Variants in PIWIL3 observed in about 807,000 individuals in gnomAD.
The protein encoded by PIWIL3 is piwi-like protein 3.
PIWIL3 carries 101 observed loss-of-function variants against 109.7 expected under a neutral mutation model. The ratio of observed to expected loss-of-function variants is 0.92; its 90% CI spans 0.78 to 1.09. The LOEUF (loss-of-function observed/expected upper bound fraction) is 1.09, where lower values mean the gene tolerates loss of function less well. PIWIL3 is among the 50% of genes least tolerant of loss of function. The probability of loss-of-function intolerance (pLI) is 0.00; values close to 1 mark genes in which losing one functional copy is unlikely to be tolerated. For missense variants in PIWIL3, 1,031 were observed against 1,072.6 expected (o/e 0.96, Z 0.54); for synonymous variants, 373 against 376.4 (o/e 0.99, Z 0.10).
chr22:24,761,994 A>G (rs1925465934), intron 2 of PIWIL3: 2 of 995,132 alleles, frequency 2.0e-6, no homozygotes, highest in African/African-American at 3.5e-5. Flanking sequence ...ATATGCAGTA[A>G]GAGAAGACAA....
chr22:24,767,681 A>G (rs1925879936), intron 1 of PIWIL3, among the ~76,000 whole-genome samples: 1 of 152,180 alleles, frequency 6.6e-6, no homozygotes. Context: ...AGAGAAAGGA[A>G]CAGGAGAAGT....
chr22:24,749,304 T>C, intron 11 of PIWIL3, 100 bp downstream of exon 11: 2 of 1,516,546 alleles, frequency 1.3e-6, no homozygotes, highest in Non-Finnish European at 1.8e-6. Flanking sequence ...CATTGTCACT[T>C]GCTTGTAGAA....
chr22:24,744,469 A>G (rs1486184559), intron 12 of PIWIL3, among the ~76,000 whole-genome samples: 2 of 152,036 alleles, frequency 1.3e-5, no homozygotes, highest in African/African-American at 4.8e-5. Flanking sequence ...GCTACTCAGG[A>G]GGCTGAGGCA....
At position 24,728,548 on chromosome 22, in the gene PIWIL3, CATAATT is replaced by C. The variant is rs1229290471; in HGVS notation, c.1708-180_1708-175del. ...TCTAGAGCCATGTTATTAATTATAA[CATAATT>C]ATATCAACTTATATGTATTTATTAG... On this transcript the variant is annotated intron_variant, in intron 14 of 20. Coordinates refer to ENST00000616349, the MANE Select transcript of PIWIL3 (RefSeq NM_001255975.1). 1.8e-4 allele frequency: 101 copies of C among 548,426 alleles called. No individual in the cohort carries two copies. The East Asian group carries it at 2.8e-3, about 15-fold the overall frequency. The allele number at this position is 548,426 out of a possible 1,614,324, so 34.0% of individuals were successfully genotyped here.
At chr22:24,766,728 T>C (rs1925820573) in intron 1 of PIWIL3, among the ~76,000 whole-genome samples, 2 of 152,100 alleles carry the variant, frequency 1.3e-5, no homozygotes, top group African/African-American at 4.8e-5. Flanking sequence ...AGAGAAATAG[T>C]TAGTTATCTG....
intron 14 of PIWIL3, among the ~76,000 whole-genome samples, chr22:24,733,681 AAAAC>A (rs765052764): frequency 1.2e-4 from 17 of 145,148 alleles, no homozygotes; most frequent in South Asian, 2.4e-4. Context: ...CTCCATCTCA[AAAAC>A]AAACAAACAA....
In PIWIL3 at chr22:24,772,017, A is replaced by G. The variant is rs183601368; in HGVS notation, c.-23+2305T>C. Among the ~76,000 whole-genome samples, 4 of 152,286 alleles carry G rather than the reference A, an allele frequency of 2.6e-5. No homozygotes were observed. In the East Asian group the frequency reaches 7.7e-4, roughly 29 times the overall value. ...GCCTATTTCTCTTAATGAACAAGCT[A>G]TAGTGCTCAGTTGGCCAACAGAACT... On this transcript the variant is annotated intron_variant, in intron 1 of 20. Coordinates refer to ENST00000616349, the MANE Select transcript of PIWIL3 (RefSeq NM_001255975.1).
At chr22:24,765,853 T>C (rs6004269) in intron 1 of PIWIL3, among the ~76,000 whole-genome samples, 1 of 150,306 alleles carries the variant, frequency 6.7e-6, no homozygotes, top group Admixed American at 6.6e-5. Flanking sequence ...GTGTAAAAAA[T>C]GGGGAAAAAA....
In PIWIL3 at chr22:24,749,764, C is replaced by T; in HGVS notation, c.1145G>A (p.Arg382Lys). ...TGTACCCGTTAGGCCCTTTTTCCAT[C>T]TGCCCTGGCTGACCAAAAGTGGCTG... ...KKQPLLVSQGRWKKGLTGTQR... is the reference protein window; with the variant it reads ...KKQPLLVSQGKWKKGLTGTQR... Residue 382 changes from arginine (R) to lysine (K), a missense_variant, in exon 10 of 21, where the codon AGA (arginine) becomes AAA (lysine). By Grantham distance (26) the Arg-to-Lys change is conservative. Coordinates refer to ENST00000616349, the MANE Select transcript of PIWIL3 (RefSeq NM_001255975.1). 1.2e-6 allele frequency: 2 copies of T among 1,613,918 alleles called. No homozygotes were observed. The highest frequency in any genetic ancestry group is 1.7e-6 in the Non-Finnish European group (2 of 1,179,986).
intron 1 of PIWIL3, among the ~76,000 whole-genome samples, chr22:24,771,685 C>T (rs752935261): frequency 1.5e-4 from 23 of 152,012 alleles, no homozygotes; most frequent in Non-Finnish European, 2.2e-4. Flanking sequence ...TTTTTTATTT[C>T]CAATTTTCAG....
At position 24,724,860 on chromosome 22, in the gene PIWIL3, C is replaced by A. The variant is rs761785020; in HGVS notation, c.2231+27G>T. ...GTGCTGGGATTACAGGCATGAGTCA[C>A]TACACATTACAATTAATACAACCTA... is the stretch of plus-strand genomic sequence containing the variant. On this transcript the variant is annotated intron_variant, in intron 18 of 20. Transcript: ENST00000616349. 1.9e-6 allele frequency: 3 copies of A among 1,604,128 alleles called. No homozygotes were observed. The South Asian group carries it at 3.3e-5, about 18-fold the overall frequency.
Position 24,719,558 on chromosome 22 carries a change from A to G in PIWIL3, c.2536T>C (p.Tyr846His). Residue 846 changes from tyrosine to histidine, a missense_variant, in exon 21 of 21, where the codon TAT becomes CAT. Tyr to His is a moderately conservative substitution (Grantham distance 83). Coordinates refer to ENST00000616349, the MANE Select transcript of PIWIL3 (RefSeq NM_001255975.1). Reference protein sequence around the residue: ...GIIRVPAPCHYAHKLAYLVGQ... With the variant: ...GIIRVPAPCHHAHKLAYLVGQ... ...ACGAGGTAAGCCAGCTTGTGGGCAT[A>G]GTGGCAAGGCGCTGGAACTCGGATG... 6.2e-7 allele frequency: 1 copy of G among 1,604,624 alleles called. No homozygotes were observed. Among genetic ancestry groups the G allele is most frequent in the Non-Finnish European group, 8.5e-7 (1 of 1,176,748 alleles).
chr22:24,741,181 C>A (rs1272444438), intron 12 of PIWIL3, among the ~76,000 whole-genome samples: 1 of 152,106 alleles, frequency 6.6e-6, no homozygotes, highest in Non-Finnish European at 1.5e-5. Flanking sequence ...TCAATAGATG[C>A]AGAAAAAGCA....
intron 19 of PIWIL3, 116 bp downstream of exon 19, chr22:24,723,014 A>T: frequency 1.7e-6 from 2 of 1,181,778 alleles, no homozygotes; most frequent in Admixed American, 2.3e-5. Flanking sequence ...AGACCAAATT[A>T]GTTCTAAAGA....
intron 9 of PIWIL3, among the ~76,000 whole-genome samples, chr22:24,750,491 C>CT (rs1202112452): frequency 9.7e-4 from 95 of 98,420 alleles, no homozygotes; most frequent in Admixed American, 1.9e-3. Flanking sequence ...GATTTTTTTT[C>CT]TTTTTTTTTT....
intron 8 of PIWIL3, among the ~76,000 whole-genome samples, chr22:24,752,145 GGTTA>G (rs1231168088): frequency 6.6e-6 from 1 of 151,162 alleles, no homozygotes; most frequent in Admixed American, 6.6e-5. Flanking sequence ...GAATTTAGGT[GGTTA>G]GTAAGGGTAA....
In PIWIL3 at chr22:24,773,460, G is replaced by T. The variant is rs575059787; in HGVS notation, c.-23+862C>A. Among the ~76,000 whole-genome samples the T allele has an allele frequency of 1.5e-4, 23 of 152,218 alleles. No homozygotes were observed. The South Asian group carries it at 4.8e-3, about 32-fold the overall frequency. Reference sequence around the variant, plus strand: ...TGTATTGAGCTTGAAGCACTGGCAGGTCCCACAACGAATGCTCAAAAAATG... The same window carrying T: ...TGTATTGAGCTTGAAGCACTGGCAGTTCCCACAACGAATGCTCAAAAAATG... On this transcript the variant is annotated intron_variant, in intron 1 of 20. Transcript: ENST00000616349.
intron 19 of PIWIL3, 117 bp from the exon 20 acceptor site, chr22:24,720,012 T>G (rs1377822777): frequency 2.6e-5 from 23 of 873,472 alleles, no homozygotes; most frequent in Non-Finnish European, 3.4e-5. Context: ...TTCTATAGAT[T>G]AAGTTTCCTT....
intron 11 of PIWIL3, 100 bp downstream of exon 11, chr22:24,749,300 CACTT>C: frequency 6.6e-7 from 1 of 1,505,806 alleles, no homozygotes; most frequent in Non-Finnish European, 8.9e-7. Flanking sequence ...TTCCCATTGT[CACTT>C]GCTTGTAGAA....
Sources: gnomAD v4.1 joint callset for allele counts (sites outside exome capture counted in the v4.1 genomes callset) on GRCh38, gnomAD v4.1.1 for gene constraint, MANE v1.5 for transcripts, NCBI Gene and HGNC (gene_info 2026-07-23, HGNC 2026-07-21) for gene names.